TFDP2: variants seen among roughly 807,000 people sequenced by gnomAD.
TFDP2 encodes the protein transcription factor Dp-2.
Under a neutral mutation model 59.3 loss-of-function variants are expected in TFDP2, and 17 were observed. The ratio of observed to expected loss-of-function variants is 0.29; its 90% CI spans 0.20 to 0.43. The LOEUF (loss-of-function observed/expected upper bound fraction) is 0.43, where lower values mean the gene tolerates loss of function less well. TFDP2 is among the 20% of genes least tolerant of loss of function. The pLI is 1.00. For missense variants in TFDP2, 391 were observed against 528.8 expected, an observed-to-expected ratio of 0.74 and a Z score of 2.56; for synonymous variants, 180 against 194.7, an observed-to-expected ratio of 0.92 and a Z score of 0.63.
rs1285360003 is a variant in TFDP2, at chr3:141,947,129, T to C, written c.*5384A>G. ...TCAAACACTGTTATCAACTGGGAAT[T>C]TGAGGGCAGGGAGGCACATTGCTGA... On this transcript the variant is annotated 3_prime_UTR_variant, in exon 13 of 13. Transcript: ENST00000489671. 1 of 152,212 alleles carries C rather than the reference T, an allele frequency of 6.6e-6. No individual in the cohort carries two copies. Among genetic ancestry groups the C allele is most frequent in the African/African-American group, 2.4e-5 (1 of 41,442 alleles). The allele number at this position is 152,212 out of a possible 1,614,324, so 9.4% of individuals were successfully genotyped here.
chr3:142,059,588 CT>C (rs984868293), intron 3 of TFDP2, among the ~76,000 whole-genome samples: 3 of 151,262 alleles, frequency 2.0e-5, no homozygotes, highest in Non-Finnish European at 3.0e-5. Context: ...AGCTTTCTTT[CT>C]TTTTTTTTGA....
rs1267247832 is a variant in TFDP2, at chr3:141,947,919, TC to T, written c.*4593del. On this transcript the variant is annotated 3_prime_UTR_variant, in exon 13 of 13. Transcript: ENST00000489671. ...AGCCAAAGTAGCCTTTCCCAAACGGTCCCGCTACGCTGCTGCTTTCTCCACA... is the reference window on the plus strand; with the variant it reads ...AGCCAAAGTAGCCTTTCCCAAACGGTCCGCTACGCTGCTGCTTTCTCCACA... The T allele has an allele frequency of 6.6e-6, 1 of 152,336 alleles. No homozygotes were observed. The highest frequency in any genetic ancestry group is 1.5e-5 in the Non-Finnish European group (1 of 68,150). The allele number at this position is 152,336 out of a possible 1,614,324, so 9.4% of individuals were successfully genotyped here. A position where few individuals can be genotyped will look rare whatever the true frequency, so the allele number is the denominator to read the frequency against.
chr3:142,102,105 A>G (rs556597776), intron 1 of TFDP2, among the ~76,000 whole-genome samples: 3 of 152,232 alleles, frequency 2.0e-5, no homozygotes, highest in Non-Finnish European at 4.4e-5. Context: ...ATGCTGCTTT[A>G]GAAAATCCAC....
chr3:142,095,121 G>T (rs980434192), intron 2 of TFDP2, among the ~76,000 whole-genome samples: 4 of 151,836 alleles, frequency 2.6e-5, no homozygotes, highest in African/African-American at 9.7e-5. Flanking sequence ...CTCCCAAGTA[G>T]CTGGGATTAC....
At chr3:142,059,147 A>C (rs2059835147) in intron 3 of TFDP2, among the ~76,000 whole-genome samples, 1 of 152,228 alleles carries the variant, frequency 6.6e-6, no homozygotes, top group African/African-American at 2.4e-5. Flanking sequence ...TTCTATGGTA[A>C]TCAGTAGCAG....
Position 142,101,860 on chromosome 3 carries a change from G to A in TFDP2, c.-92-19C>T. 1 of 555,578 alleles carries A rather than the reference G, an allele frequency of 1.8e-6. No homozygotes were observed. The highest frequency in any genetic ancestry group is 3.0e-6 in the Non-Finnish European group (1 of 334,984). The allele number at this position is 555,578 out of a possible 1,614,324, so 34.4% of individuals were successfully genotyped here. ...GAACAACCTGTTAAAGGAAAACAGA[G>A]GGAATAGTAATGTAATAATAATAAT... On this transcript the variant is annotated intron_variant, in intron 1 of 12. Transcript: ENST00000489671.
chr3:141,996,415 T>C (rs1183287868), intron 4 of TFDP2, among the ~76,000 whole-genome samples: 1 of 152,224 alleles, frequency 6.6e-6, no homozygotes, highest in African/African-American at 2.4e-5. Flanking sequence ...TAGTAAGTTT[T>C]AAGTCCCAAC....
intron 6 of TFDP2, among the ~76,000 whole-genome samples, chr3:141,993,292 G>C (rs1942966322): frequency 6.6e-6 from 1 of 152,162 alleles, no homozygotes; most frequent in Admixed American, 6.5e-5. Flanking sequence ...TTACCAGATG[G>C]AAAGAGAGGA....
At chr3:142,062,703 G>A (rs1174914734) in intron 3 of TFDP2, among the ~76,000 whole-genome samples, 1 of 152,024 alleles carries the variant, frequency 6.6e-6, no homozygotes, top group Non-Finnish European at 1.5e-5. Flanking sequence ...AAATATTTAT[G>A]ACATAACTAA....
At chr3:142,006,855 C>A (rs1410944339) in intron 3 of TFDP2, among the ~76,000 whole-genome samples, 1 of 152,062 alleles carries the variant, frequency 6.6e-6, no homozygotes, top group African/African-American at 2.4e-5. Context: ...TGGCTCACTG[C>A]AACCTCCGCT....
At chr3:142,068,385 C>T (rs2060138995) in intron 3 of TFDP2, among the ~76,000 whole-genome samples, 1 of 152,040 alleles carries the variant, frequency 6.6e-6, no homozygotes, top group Non-Finnish European at 1.5e-5. Flanking sequence ...ATTTTAGATA[C>T]AACAGCAAAA....
rs76633358 is a variant in TFDP2 at position 142,055,255 on chromosome 3, G to A, written c.82+37806C>T. ...GTTGTGGCCATAGTAATCCATCTCA[G>A]TAAGAGATAAAACATAGGTTCAGAT... On this transcript the variant is annotated intron_variant, in intron 3 of 12. Coordinates refer to ENST00000489671, the MANE Select transcript of TFDP2 (RefSeq NM_001178139.2). 5.4e-3 allele frequency among the ~76,000 whole-genome samples: 818 copies of A among 152,138 alleles called. 8 individuals are homozygous for A. The highest frequency in any genetic ancestry group is 0.019 in the African/African-American group (770 of 41,398).
intron 10 of TFDP2, among the ~76,000 whole-genome samples, chr3:141,962,769 G>C (rs1280630476): frequency 6.6e-6 from 1 of 152,244 alleles, no homozygotes; most frequent in Non-Finnish European, 1.5e-5. Context: ...GGGAAAACAA[G>C]TAGCAGTGAA....
At position 142,030,365 on chromosome 3, in the gene TFDP2, C is replaced by A. The variant is rs796181538; in HGVS notation, c.83-24821G>T. 5.3e-5 allele frequency among the ~76,000 whole-genome samples: 8 copies of A among 152,180 alleles called. 1 individual carries two copies. The highest frequency in any genetic ancestry group is 1.9e-4 in the African/African-American group (8 of 41,512). The stretch of plus-strand genomic sequence containing the variant: ...CTGAGTAAATAAATCACATAAAATT[C>A]TATAAAGTAAGTTTTTGTGGACAGT... On this transcript the variant is annotated intron_variant, in intron 3 of 12. Transcript: ENST00000489671.
At chr3:142,123,400 C>T (rs1316043275) in intron 1 of TFDP2, among the ~76,000 whole-genome samples, 1 of 152,196 alleles carries the variant, frequency 6.6e-6, no homozygotes, top group African/African-American at 2.4e-5. Flanking sequence ...TCCCAAAGTG[C>T]TGGGATTAGA....
At position 141,947,244 on chromosome 3, in the gene TFDP2, A is replaced by G. The variant is rs1935350077; in HGVS notation, c.*5269T>C. The G allele has an allele frequency of 6.6e-6, 1 of 152,156 alleles. No homozygotes were observed. The highest frequency in any genetic ancestry group is 1.5e-5 in the Non-Finnish European group (1 of 68,050). The allele number at this position is 152,156 out of a possible 1,614,324, so 9.4% of individuals were successfully genotyped here. ...TAGTTTTCATCAGTGCTTGGGGACC[A>G]TTGCTTTGGGTGCATGAATATGGGA... On this transcript the variant is annotated 3_prime_UTR_variant, in exon 13 of 13. Transcript: ENST00000489671.
chr3:141,961,237 G>GTTTTTTTTT (rs1177754086), intron 10 of TFDP2, among the ~76,000 whole-genome samples: 93 of 84,676 alleles, frequency 1.1e-3, no homozygotes, highest in Non-Finnish European at 1.3e-3. Context: ...GTTTTTTGTT[G>GTTTTTTTTT]TTTTTTTTTT....
At chr3:142,129,506 G>C (rs532111781) in intron 1 of TFDP2, among the ~76,000 whole-genome samples, 1 of 152,046 alleles carries the variant, frequency 6.6e-6, no homozygotes, top group South Asian at 2.1e-4. Context: ...TATTAACAGA[G>C]TAAAAATGCT....
At chr3:142,004,595 T>C (rs1944071739) in intron 4 of TFDP2, among the ~76,000 whole-genome samples, 1 of 152,240 alleles carries the variant, frequency 6.6e-6, no homozygotes, top group Admixed American at 6.5e-5. Flanking sequence ...AATTAATGAA[T>C]GTCTTTAGAG....
Sources: gnomAD v4.1 joint callset for allele counts (sites outside exome capture counted in the v4.1 genomes callset) on GRCh38, gnomAD v4.1.1 for gene constraint, MANE v1.5 for transcripts, NCBI Gene and HGNC (gene_info 2026-07-23, HGNC 2026-07-21) for gene names.